Variants in KANSL1L observed in about 807,000 individuals in gnomAD.
KANSL1L encodes KAT8 regulatory NSL complex subunit 1 like, also known as KAT8 regulatory NSL complex subunit 1-like protein.
A neutral mutation model predicts 108.6 loss-of-function variants in KANSL1L; 25 were observed. That is an observed-to-expected ratio of 0.23 (90% CI 0.17 to 0.32). KANSL1L has a LOEUF of 0.32. Ranked by LOEUF, KANSL1L falls within the 10% of genes least tolerant of loss-of-function variation. The pLI is 1.00. For synonymous variants in KANSL1L, 405 were observed against 395.1 expected, an observed-to-expected ratio of 1.03 and a Z score of -0.30; for missense variants, 1,137 against 1,125.7, an observed-to-expected ratio of 1.01 and a Z score of -0.14.
At chr2:210,131,145 G>A (rs2095116436) in intron 2 of KANSL1L, among the ~76,000 whole-genome samples, 2 of 152,146 alleles carry the variant, frequency 1.3e-5, no homozygotes, top group African/African-American at 4.8e-5. Flanking sequence ...CAAGATGGAG[G>A]AGGAGAATAG....
At chr2:210,164,616 G>A (rs1041926718) in intron 1 of KANSL1L, among the ~76,000 whole-genome samples, 3 of 151,796 alleles carry the variant, frequency 2.0e-5, no homozygotes, top group Admixed American at 6.6e-5. Context: ...GCAGAACTTC[G>A]AAGAACCTAG....
At chr2:210,050,184 T>C (rs975831587) in intron 6 of KANSL1L, among the ~76,000 whole-genome samples, 3 of 152,134 alleles carry the variant, frequency 2.0e-5, no homozygotes, top group African/African-American at 7.2e-5. Context: ...TATGTATGCA[T>C]AGAGTGAAAC....
chr2:210,070,089 A>G (rs1454773874), intron 6 of KANSL1L, among the ~76,000 whole-genome samples: 1 of 150,782 alleles, frequency 6.6e-6, no homozygotes, highest in African/African-American at 2.4e-5. Context: ...TCAGCCTCCC[A>G]AAGTGCTGAG....
intron 6 of KANSL1L, among the ~76,000 whole-genome samples, chr2:210,072,124 G>A (rs1174460842): frequency 6.6e-6 from 1 of 151,984 alleles, no homozygotes; most frequent in Non-Finnish European, 1.5e-5. Flanking sequence ...AAAGAATTCT[G>A]CTCTAGATCA....
chr2:210,070,195 T>A (rs1379498661), intron 6 of KANSL1L, among the ~76,000 whole-genome samples: 1 of 148,530 alleles, frequency 6.7e-6, no homozygotes, highest in Non-Finnish European at 1.5e-5. Context: ...CATATAGCCT[T>A]CTCTGTGTCT....
At chr2:210,150,094 T>C (rs1374778500) in intron 2 of KANSL1L, among the ~76,000 whole-genome samples, 1 of 152,134 alleles carries the variant, frequency 6.6e-6, no homozygotes, top group Non-Finnish European at 1.5e-5. Flanking sequence ...AAGAGGCCAA[T>C]AATGCAAGAG....
chr2:210,097,200 TTTTTA>T, intron 5 of KANSL1L: 3 of 941,592 alleles, frequency 3.2e-6, no homozygotes, highest in Middle Eastern at 5.4e-4. Context: ...CCACCTCAGC[TTTTTA>T]TTTTAAGACT....
chr2:210,104,430 T>A, intron 3 of KANSL1L, 129 bp from the exon 4 acceptor site: 1 of 662,826 alleles, frequency 1.5e-6, no homozygotes, highest in Non-Finnish European at 2.6e-6. Context: ...AACTTGATAG[T>A]TTAACTCTGT....
At chr2:210,024,707 A>G (rs2093911684) in intron 13 of KANSL1L, among the ~76,000 whole-genome samples, 2 of 152,044 alleles carry the variant, frequency 1.3e-5, no homozygotes, top group Non-Finnish European at 2.9e-5. Flanking sequence ...TTCTTGAGAA[A>G]TTTTTTATTT....
At chr2:210,096,399 T>C (rs1023680907) in intron 5 of KANSL1L, 1 of 662,586 alleles carries the variant, frequency 1.5e-6, no homozygotes, top group African/African-American at 2.0e-5. Flanking sequence ...GTCTTCATAT[T>C]TGTGTCCCTA....
chr2:210,163,379 G>A (rs2095371436), intron 1 of KANSL1L, among the ~76,000 whole-genome samples: 2 of 152,116 alleles, frequency 1.3e-5, no homozygotes, highest in Admixed American at 6.6e-5. Context: ...TGTCTTTGAT[G>A]GGCTTAGTAG....
At chr2:210,107,522 AT>A (rs1559561771) in intron 3 of KANSL1L, among the ~76,000 whole-genome samples, 2 of 124,274 alleles carry the variant, frequency 1.6e-5, no homozygotes, top group Non-Finnish European at 1.7e-5. Context: ...AAAAAAAAAT[AT>A]ATATATATAT....
At chr2:210,097,262 A>G (rs565328844) in intron 5 of KANSL1L, 1 of 953,766 alleles carries the variant, frequency 1.0e-6, no homozygotes, top group South Asian at 4.9e-5. Flanking sequence ...GCTACTTAGC[A>G]TAATTTTCAC....
At chr2:210,132,193 G>A (rs889752668) in intron 2 of KANSL1L, among the ~76,000 whole-genome samples, 5 of 152,122 alleles carry the variant, frequency 3.3e-5, no homozygotes, top group Admixed American at 1.3e-4. Flanking sequence ...AGATCAACAT[G>A]TTATACCCCA....
At position 210,153,658 on chromosome 2, in the gene KANSL1L, C is replaced by A. The variant is rs779510556; in HGVS notation, c.925G>T (p.Ala309Ser). 6.2e-7 allele frequency: 1 copy of A among 1,608,642 alleles called. No homozygotes were observed. Among genetic ancestry groups the A allele is most frequent in the Non-Finnish European group, 8.5e-7 (1 of 1,177,910 alleles). ...LTAENKLWDD[A>S]KNGFARCTAA... is the part of the protein sequence containing the mutation. Reference sequence around the variant, plus strand: ...GTACACCGTGCAAAGCCATTTTTTGCATCATCCCACAATTTATTCTCTGCA... The same window carrying A: ...GTACACCGTGCAAAGCCATTTTTTGAATCATCCCACAATTTATTCTCTGCA... The change falls in exon 2 of 15, where the codon GCA (alanine) becomes TCA (serine). Residue 309 changes from alanine to serine, a missense_variant. This residue lies in a region of KANSL1L where 556 missense variants were observed against 537.7 expected (regional missense o/e 1.03). Transcript: ENST00000281772.
intron 6 of KANSL1L, among the ~76,000 whole-genome samples, chr2:210,067,716 C>CAAAAAAAAAAAAAAAAAAAAAAA (rs569072484): frequency 1.1e-5 from 1 of 92,948 alleles, no homozygotes; most frequent in African/African-American, 4.6e-5. Context: ...ACCCTGTCTC[C>CAAAAAAAAAAAAAAAAAAAAAAA]AAAAAAAAAA....
chr2:210,109,286 T>C (rs1166959863), intron 3 of KANSL1L, among the ~76,000 whole-genome samples: 1 of 152,150 alleles, frequency 6.6e-6, no homozygotes, highest in Non-Finnish European at 1.5e-5. Context: ...TCATGATAGA[T>C]AGAGCCTAAA....
intron 6 of KANSL1L, among the ~76,000 whole-genome samples, chr2:210,074,678 A>G (rs982222285): frequency 1.3e-5 from 2 of 152,222 alleles, no homozygotes; most frequent in Admixed American, 6.5e-5. Context: ...AATGAAAGCT[A>G]ATTTGTCAGA....
intron 7 of KANSL1L, among the ~76,000 whole-genome samples, chr2:210,043,084 G>T (rs1386985247): frequency 6.6e-6 from 1 of 152,074 alleles, no homozygotes; most frequent in Non-Finnish European, 1.5e-5. Context: ...AGAGTGTAAA[G>T]GTTCCACAAA....
Sources: gnomAD v4.1 joint callset for allele counts (sites outside exome capture counted in the v4.1 genomes callset) on GRCh38, gnomAD v4.1.1 for gene constraint, gnomAD v4.1.1 regional missense constraint, MANE v1.5 for transcripts, NCBI Gene and HGNC (gene_info 2026-07-23, HGNC 2026-07-21) for gene names.